CADM2: variants seen among roughly 807,000 people sequenced by gnomAD.
The protein encoded by CADM2 is immunoglobulin superfamily member 4D.
Under a neutral mutation model 49.8 loss-of-function variants are expected in CADM2, and 12 were observed. The observed-to-expected ratio is 0.24, with a 90% CI of 0.15 to 0.39. The LOEUF is 0.39. CADM2 is among the 10% of genes least tolerant of loss of function. The probability of loss-of-function intolerance (pLI) is 1.00; values close to 1 mark genes in which losing one functional copy is unlikely to be tolerated. For synonymous variants in CADM2, 214 were observed against 175.4 expected (o/e 1.22, Z -1.74); for missense variants, 378 against 492.3 (o/e 0.77, Z 2.20).
chr3:85,231,133 C>T (rs1324973963), intron 1 of CADM2, among the ~76,000 whole-genome samples: 1 of 152,110 alleles, frequency 6.6e-6, no homozygotes, highest in Non-Finnish European at 1.5e-5. Context: ...TGAACTAGAA[C>T]TTATATCTAT....
At chr3:85,102,592 T>C (rs1043329315) in intron 1 of CADM2, among the ~76,000 whole-genome samples, 1 of 152,120 alleles carries the variant, frequency 6.6e-6, no homozygotes, top group African/African-American at 2.4e-5. Context: ...ACCTATAATA[T>C]TGAAGATTTG....
chr3:85,567,966 C>G (rs1031308929), intron 1 of CADM2, among the ~76,000 whole-genome samples: 2 of 152,162 alleles, frequency 1.3e-5, no homozygotes, highest in Non-Finnish European at 2.9e-5. Flanking sequence ...GAGCTCTCCC[C>G]CTTTTTGTTC....
At chr3:85,409,338 T>C (rs1396999818) in intron 1 of CADM2, among the ~76,000 whole-genome samples, 1 of 152,150 alleles carries the variant, frequency 6.6e-6, no homozygotes. Flanking sequence ...TATGAGATTA[T>C]ATTTAGGGAA....
chr3:85,009,318 T>C (rs1425313879), intron 1 of CADM2, among the ~76,000 whole-genome samples: 2 of 152,164 alleles, frequency 1.3e-5, no homozygotes, highest in Non-Finnish European at 2.9e-5. Flanking sequence ...GAGTGGAAGA[T>C]AGAAATTAAA....
At chr3:86,009,377 G>A (rs1172045496) in intron 8 of CADM2, among the ~76,000 whole-genome samples, 1 of 151,156 alleles carries the variant, frequency 6.6e-6, no homozygotes, top group African/African-American at 2.4e-5. Flanking sequence ...GAAATTTAAG[G>A]GAGGAAAATC....
chr3:85,091,746 T>G (rs1227192481), intron 1 of CADM2, among the ~76,000 whole-genome samples: 2 of 152,124 alleles, frequency 1.3e-5, no homozygotes, highest in African/African-American at 4.8e-5. Context: ...ATTGTTCAAA[T>G]ATAAATCTGA....
At chr3:85,283,224 A>G (rs2043548634) in intron 1 of CADM2, among the ~76,000 whole-genome samples, 1 of 151,990 alleles carries the variant, frequency 6.6e-6, no homozygotes, top group Admixed American at 6.6e-5. Context: ...ATTTGAAATT[A>G]CAATGTAGTT....
chr3:85,471,254 G>C (rs2038751958), intron 1 of CADM2, among the ~76,000 whole-genome samples: 1 of 151,970 alleles, frequency 6.6e-6, no homozygotes, highest in African/African-American at 2.4e-5. Flanking sequence ...TTCTCCACTT[G>C]GTTCAAATTT....
intron 1 of CADM2, among the ~76,000 whole-genome samples, chr3:85,600,048 T>C (rs956281): frequency 6.6e-6 from 1 of 151,730 alleles, no homozygotes. Context: ...CTAAGAAATA[T>C]TTAAGTTTTG....
At chr3:85,813,672 G>A (rs1483285581) in intron 3 of CADM2, among the ~76,000 whole-genome samples, 4 of 152,134 alleles carry the variant, frequency 2.6e-5, no homozygotes, top group Admixed American at 2.6e-4. Flanking sequence ...ACGATTTTAG[G>A]TCTTACATTT....
chr3:85,107,201 G>T (rs1464064851), intron 1 of CADM2, among the ~76,000 whole-genome samples: 9 of 152,256 alleles, frequency 5.9e-5, no homozygotes, highest in African/African-American at 2.2e-4. Flanking sequence ...TGGAATATAA[G>T]AATGTGTGTG....
At chr3:85,700,665 C>T (rs1316174121) in intron 1 of CADM2, among the ~76,000 whole-genome samples, 2 of 152,120 alleles carry the variant, frequency 1.3e-5, no homozygotes, top group Non-Finnish European at 2.9e-5. Flanking sequence ...TAGGGTTGGG[C>T]ACAATGCCAC....
At chr3:85,023,637 A>G (rs1364870375) in intron 1 of CADM2, among the ~76,000 whole-genome samples, 1 of 152,078 alleles carries the variant, frequency 6.6e-6, no homozygotes. Flanking sequence ...ATTATTTAGA[A>G]CTATACTTAT....
chr3:85,748,997 G>A (rs2068747919), intron 2 of CADM2, among the ~76,000 whole-genome samples: 1 of 151,972 alleles, frequency 6.6e-6, no homozygotes, highest in Non-Finnish European at 1.5e-5. Flanking sequence ...AGTTCAATAA[G>A]CTTTTCAGAG....
At chr3:86,014,735 C>G in intron 8 of CADM2, 2 of 1,500,160 alleles carry the variant, frequency 1.3e-6, no homozygotes, top group South Asian at 2.7e-5. Context: ...GTGACTTACC[C>G]AATACTGACA....
At chr3:85,350,489 T>C (rs2031234817) in intron 1 of CADM2, among the ~76,000 whole-genome samples, 1 of 152,154 alleles carries the variant, frequency 6.6e-6, no homozygotes, top group African/African-American at 2.4e-5. Context: ...CTTTTACCTG[T>C]CTTCCAAAAA....
intron 1 of CADM2, among the ~76,000 whole-genome samples, chr3:85,660,782 A>G (rs370130731): frequency 1.2e-4 from 19 of 152,024 alleles, no homozygotes; most frequent in African/African-American, 4.6e-4. Context: ...ATAGACTTTG[A>G]CACAGAATAA....
At chr3:85,008,313 G>A (rs554129735) in intron 1 of CADM2, among the ~76,000 whole-genome samples, 35 of 152,156 alleles carry the variant, frequency 2.3e-4, no homozygotes, top group African/African-American at 8.0e-4. Flanking sequence ...TAGATGTGAA[G>A]GAAGAGCACA....
chr3:85,425,025 A>G (rs1041909920), intron 1 of CADM2, among the ~76,000 whole-genome samples: 41 of 152,344 alleles, frequency 2.7e-4, no homozygotes, highest in African/African-American at 9.4e-4. Context: ...AAAAACTTAA[A>G]AAAAGAATTC....
Sources: allele counts gnomAD v4.1 joint callset (sites outside exome capture counted in the v4.1 genomes callset), GRCh38; gene constraint gnomAD v4.1.1; transcripts MANE v1.5; gene names NCBI Gene and HGNC (gene_info 2026-07-23, HGNC 2026-07-21).